Variants in RBFOX1 observed in about 807,000 individuals in gnomAD.
The protein encoded by RBFOX1 is RNA binding protein fox-1 homolog 1.
In RBFOX1, 8 loss-of-function variants were observed where a neutral mutation model predicts 57.7. That is an observed-to-expected ratio of 0.14 (90% CI 0.08 to 0.25). The LOEUF (loss-of-function observed/expected upper bound fraction) is 0.25. Ranked by LOEUF, RBFOX1 falls within the 10% of genes least tolerant of loss-of-function variation. RBFOX1 has a pLI of 1.00. For synonymous variants in RBFOX1, 326 were observed against 222.4 expected, an observed-to-expected ratio of 1.47 and a Z score of -4.15; for missense variants, 611 against 548.5, an observed-to-expected ratio of 1.11 and a Z score of -1.14.
chr16:5,326,272 A>C (rs192997797), intron 1 of RBFOX1, among the ~76,000 whole-genome samples: 1 of 152,330 alleles, frequency 6.6e-6, no homozygotes, highest in East Asian at 1.9e-4. Flanking sequence ...GCAGAGCCTC[A>C]AACTAACAGC....
At chr16:6,163,968 T>A (rs1022889766) in intron 1 of RBFOX1, among the ~76,000 whole-genome samples, 1 of 152,226 alleles carries the variant, frequency 6.6e-6, no homozygotes. Context: ...GTAAGGTGGT[T>A]ATAATAGAGA....
In RBFOX1 at chr16:5,989,670, A is replaced by T. The variant is rs141175043; in HGVS notation, c.351+122335A>T. On this transcript the variant is annotated intron_variant, in intron 4 of 19. Coordinates refer to the RBFOX1 transcript ENST00000641259. ...CAATCAATAAAGGGCGGTGGCTTCC[A>T]TAGTGGACCTTAAATTTCTCTGGGG... Among the ~76,000 whole-genome samples the T allele has an allele frequency of 3.2e-4, 48 of 152,032 alleles. No homozygotes were observed. The East Asian group carries it at 9.0e-3, about 29-fold the overall frequency.
intron 3 of RBFOX1, among the ~76,000 whole-genome samples, chr16:5,801,860 T>C (rs1865815): frequency 0.53 from 80,637 of 151,934 alleles, 22,163 homozygotes; most frequent in African/African-American, 0.68. Context: ...GTTTTGCTGG[T>C]TATGGAAGTT....
rs367996408 is a variant in RBFOX1 at position 7,160,859 on chromosome 16, T to C, written c.27+108761T>C. On this transcript the variant is annotated intron_variant, in intron 4 of 15. Coordinates refer to ENST00000550418, the MANE Select transcript of RBFOX1 (RefSeq NM_018723.4). ...CCTTCCTCCTCCTCCTCCTCCTCCTTCTTTTTCTTCGTTCAATCTTGGAAG... is the reference window on the plus strand; with the variant it reads ...CCTTCCTCCTCCTCCTCCTCCTCCTCCTTTTTCTTCGTTCAATCTTGGAAG... Among the ~76,000 whole-genome samples, 1,319 of 145,526 alleles carry C rather than the reference T, an allele frequency of 9.1e-3. 10 individuals are homozygous for C. The highest frequency in any genetic ancestry group is 0.027 in the South Asian group (124 of 4,620).
intron 2 of RBFOX1, among the ~76,000 whole-genome samples, chr16:5,593,141 C>T (rs2047065146): frequency 6.6e-6 from 1 of 152,110 alleles, no homozygotes; most frequent in Non-Finnish European, 1.5e-5. Context: ...CACATATACA[C>T]CATGGGATAC....
At chr16:6,521,143 C>A (rs1057375538) in intron 2 of RBFOX1, among the ~76,000 whole-genome samples, 1 of 152,012 alleles carries the variant, frequency 6.6e-6, no homozygotes, top group African/African-American at 2.4e-5. Flanking sequence ...TGGTGTTTTT[C>A]TGTAATTGTG....
intron 3 of RBFOX1, among the ~76,000 whole-genome samples, chr16:5,819,689 G>T (rs1374650727): frequency 2.6e-5 from 4 of 152,164 alleles, no homozygotes; most frequent in Non-Finnish European, 2.9e-5. Context: ...TGCTCCCACT[G>T]CCTGGAATAC....
At chr16:7,367,891 C>CACAG (rs2097488023) in intron 4 of RBFOX1, among the ~76,000 whole-genome samples, 1 of 146,312 alleles carries the variant, frequency 6.8e-6, no homozygotes, top group Non-Finnish European at 1.5e-5. Context: ...TGCATACACA[C>CACAG]ACACACACAC....
intron 1 of RBFOX1, among the ~76,000 whole-genome samples, chr16:5,394,420 T>C (rs952107040): frequency 1.3e-5 from 2 of 152,222 alleles, no homozygotes; most frequent in Admixed American, 6.5e-5. Flanking sequence ...CCCAAATCAT[T>C]GTGCTTTTCT....
At chr16:7,707,402 C>CAGGAA (rs1249520186) in intron 14 of RBFOX1, among the ~76,000 whole-genome samples, 1 of 151,988 alleles carries the variant, frequency 6.6e-6, no homozygotes, top group South Asian at 2.1e-4. Context: ...GGGGGGAAAA[C>CAGGAA]AGGAAAGGAG....
chr16:7,024,462 A>C (rs769216153), intron 3 of RBFOX1, among the ~76,000 whole-genome samples: 2 of 152,198 alleles, frequency 1.3e-5, no homozygotes, highest in Non-Finnish European at 2.9e-5. Context: ...TTTATAATCC[A>C]TAGCTTCTCT....
At chr16:6,197,226 A>G (rs1225140385) in intron 1 of RBFOX1, among the ~76,000 whole-genome samples, 1 of 151,998 alleles carries the variant, frequency 6.6e-6, no homozygotes, top group Admixed American at 6.6e-5. Context: ...GCCCCCAAGC[A>G]TCTCTTGGTG....
chr16:6,825,706 T>G (rs12931415), intron 3 of RBFOX1, among the ~76,000 whole-genome samples: 1 of 151,730 alleles, frequency 6.6e-6, no homozygotes, highest in African/African-American at 2.4e-5. Flanking sequence ...TAGTAGCAGA[T>G]GAAGAGGAAA....
intron 2 of RBFOX1, among the ~76,000 whole-genome samples, chr16:5,512,173 G>T (rs904021131): frequency 6.6e-6 from 1 of 152,160 alleles, no homozygotes; most frequent in African/African-American, 2.4e-5. Flanking sequence ...GCTATTGATT[G>T]CATGGGAGTT....
intron 3 of RBFOX1, among the ~76,000 whole-genome samples, chr16:6,885,775 C>A (rs967791518): frequency 4.6e-5 from 7 of 152,164 alleles, no homozygotes; most frequent in African/African-American, 1.7e-4. Context: ...AGGTGATTCA[C>A]CTGCCTTGGC....
chr16:5,932,715 G>A (rs568900496), intron 4 of RBFOX1, among the ~76,000 whole-genome samples: 7 of 152,174 alleles, frequency 4.6e-5, no homozygotes, highest in Non-Finnish European at 1.0e-4. Flanking sequence ...GGAGGCTCTG[G>A]TCTTGTTTAC....
intron 3 of RBFOX1, among the ~76,000 whole-genome samples, chr16:6,749,722 A>T (rs552663161): frequency 1.6e-4 from 24 of 152,294 alleles, no homozygotes; most frequent in African/African-American, 4.6e-4. Flanking sequence ...CAGTGCACAG[A>T]TTCTTGCTTA....
At chr16:5,800,440 C>T (rs771792611) in intron 3 of RBFOX1, among the ~76,000 whole-genome samples, 1 of 152,160 alleles carries the variant, frequency 6.6e-6, no homozygotes, top group Non-Finnish European at 1.5e-5. Context: ...TGTGAACAGG[C>T]TCTGCACCCC....
chr16:5,915,726 G>C (rs1451397585), intron 4 of RBFOX1, among the ~76,000 whole-genome samples: 1 of 152,122 alleles, frequency 6.6e-6, no homozygotes. Context: ...CAGCTACTCC[G>C]GAGGCTGAGG....
Sources: gnomAD v4.1 joint callset for allele counts (sites outside exome capture counted in the v4.1 genomes callset) on GRCh38, gnomAD v4.1.1 for gene constraint, MANE v1.5 for transcripts, NCBI Gene and HGNC (gene_info 2026-07-23, HGNC 2026-07-21) for gene names.